The following GULP1 variants were observed in gnomAD, a reference collection of about 807,000 sequenced individuals.
GULP1 encodes the protein PTB domain-containing engulfment adapter protein 1.
Under a neutral mutation model 40.9 loss-of-function variants are expected in GULP1, and 19 were observed. That is an observed-to-expected ratio of 0.46 (90% CI 0.32 to 0.68). The LOEUF (loss-of-function observed/expected upper bound fraction) is 0.68. Among genes scored for constraint, GULP1 ranks in the 30% least tolerant of loss-of-function variants. The probability of loss-of-function intolerance (pLI) is 0.03; values close to 1 mark genes in which losing one functional copy is unlikely to be tolerated. For synonymous variants in GULP1, 119 were observed against 117.6 expected (o/e 1.01, Z -0.08); for missense variants, 312 against 362.2 (o/e 0.86, Z 1.12).
intron 4 of GULP1, among the ~76,000 whole-genome samples, chr2:188,518,321 A>G (rs2065394699): frequency 6.6e-6 from 1 of 152,204 alleles, no homozygotes; most frequent in Admixed American, 6.5e-5. Context: ...CTGGAGCCAC[A>G]GCATTAGCCT....
At chr2:188,313,723 A>G (rs1328968299) in intron 1 of GULP1, among the ~76,000 whole-genome samples, 1 of 152,106 alleles carries the variant, frequency 6.6e-6, no homozygotes, top group Non-Finnish European at 1.5e-5. Context: ...CATTTTCACA[A>G]TATTGATTTT....
intron 4 of GULP1, chr2:188,491,325 G>A (rs545463315): frequency 6.6e-6 from 1 of 152,022 alleles, no homozygotes; most frequent in Non-Finnish European, 1.5e-5. Flanking sequence ...TTCAGTAATG[G>A]TGTTTTGATG....
chr2:188,554,184 A>G (rs1388432050), intron 7 of GULP1, among the ~76,000 whole-genome samples: 1 of 151,544 alleles, frequency 6.6e-6, no homozygotes, highest in Admixed American at 6.6e-5. Flanking sequence ...TATAATGTTA[A>G]TTTTGGGTTG....
chr2:188,458,882 C>G (rs1336437986), intron 2 of GULP1, among the ~76,000 whole-genome samples: 1 of 152,072 alleles, frequency 6.6e-6, no homozygotes, highest in Non-Finnish European at 1.5e-5. Context: ...TGATTCTACT[C>G]TCTACCTCCA....
intron 1 of GULP1, among the ~76,000 whole-genome samples, chr2:188,353,712 G>A (rs1559142162): frequency 1.3e-5 from 2 of 151,794 alleles, no homozygotes; most frequent in Non-Finnish European, 2.9e-5. Flanking sequence ...CCCCATGACA[G>A]GAAATGGTGT....
intron 3 of GULP1, among the ~76,000 whole-genome samples, chr2:188,483,194 A>C (rs189547893): frequency 1.4e-3 from 207 of 152,166 alleles, no homozygotes; most frequent in African/African-American, 4.7e-3. Flanking sequence ...ATTTGGTATC[A>C]TTTTTATTAT....
At chr2:188,553,249 G>T (rs1381045239) in intron 7 of GULP1, among the ~76,000 whole-genome samples, 7 of 151,930 alleles carry the variant, frequency 4.6e-5, no homozygotes, top group African/African-American at 1.7e-4. Flanking sequence ...GGGCATTCTT[G>T]TCTTGTTCCA....
intron 4 of GULP1, among the ~76,000 whole-genome samples, chr2:188,502,103 T>C (rs930149532): frequency 6.6e-6 from 1 of 151,936 alleles, no homozygotes; most frequent in Non-Finnish European, 1.5e-5. Context: ...ATTAGAATTA[T>C]AGTAGATAGG....
At chr2:188,340,369 C>CA (rs1160187182) in intron 1 of GULP1, among the ~76,000 whole-genome samples, 3 of 152,156 alleles carry the variant, frequency 2.0e-5, no homozygotes, top group Admixed American at 6.5e-5. Context: ...ACAGGCCTTG[C>CA]AACAGGGGTG....
chr2:188,373,515 C>T (rs1421209368), intron 1 of GULP1, among the ~76,000 whole-genome samples: 1 of 151,986 alleles, frequency 6.6e-6, no homozygotes, highest in East Asian at 1.9e-4. Flanking sequence ...TTTTCCAGTT[C>T]CATAAACATT....
chr2:188,472,309 C>T (rs2060655736), intron 2 of GULP1, among the ~76,000 whole-genome samples: 1 of 152,010 alleles, frequency 6.6e-6, no homozygotes, highest in Admixed American at 6.6e-5. Flanking sequence ...GGATATTGCT[C>T]TCTTACTCTA....
intron 11 of GULP1, chr2:188,591,045 G>C (rs984699881): frequency 6.6e-6 from 1 of 151,944 alleles, no homozygotes; most frequent in African/African-American, 2.4e-5. Context: ...AAAATTTACT[G>C]TCTAAAAATA....
intron 4 of GULP1, among the ~76,000 whole-genome samples, chr2:188,495,954 C>T (rs2062856071): frequency 6.6e-6 from 1 of 151,932 alleles, no homozygotes; most frequent in East Asian, 1.9e-4. Context: ...ATTTTAATAA[C>T]ATGACCATTT....
chr2:188,329,946 G>A (rs2041330232), intron 1 of GULP1, among the ~76,000 whole-genome samples: 1 of 152,130 alleles, frequency 6.6e-6, no homozygotes, highest in East Asian at 1.9e-4. Flanking sequence ...AGTTTAGGGA[G>A]AAAGATCAGG....
At chr2:188,499,164 T>TATATAC (rs1283639051) in intron 4 of GULP1, among the ~76,000 whole-genome samples, 15 of 141,482 alleles carry the variant, frequency 1.1e-4, no homozygotes, top group African/African-American at 3.9e-4. Flanking sequence ...TATATATATA[T>TATATAC]ATATATGAAC....
At chr2:188,473,094 G>T (rs562111847) in intron 2 of GULP1, among the ~76,000 whole-genome samples, 1 of 152,302 alleles carries the variant, frequency 6.6e-6, no homozygotes, top group South Asian at 2.1e-4. Context: ...AGATCACCAT[G>T]CAGAGAGTTG....
intron 2 of GULP1, among the ~76,000 whole-genome samples, chr2:188,434,406 A>G (rs1483977306): frequency 6.6e-6 from 1 of 151,640 alleles, no homozygotes; most frequent in African/African-American, 2.4e-5. Context: ...GACTTTGCCC[A>G]AGTTTACAAC....
chr2:188,394,568 C>T (rs891002107), intron 2 of GULP1, among the ~76,000 whole-genome samples: 2 of 152,028 alleles, frequency 1.3e-5, no homozygotes, highest in African/African-American at 4.8e-5. Context: ...TGGAGAGCTA[C>T]TGTGATTTTT....
rs1553519298 is a variant in GULP1, at chr2:188,321,667, C to CG, written c.-172+29501_-172+29502insG. 7.4e-4 allele frequency among the ~76,000 whole-genome samples: 110 copies of CG among 149,144 alleles called. 2 individuals are homozygous for CG. Among genetic ancestry groups the CG allele is most frequent in the Non-Finnish European group, 1.6e-4 (11 of 67,144 alleles). On this transcript the variant is annotated intron_variant, in intron 1 of 11. Coordinates refer to ENST00000409830, the MANE Select transcript of GULP1 (RefSeq NM_016315.4). Reference sequence around the variant, plus strand: ...AAAGGGGAAATGTAGTCTTCTATATCTTTTTTTTTTCAGTACACATTAAAT... The same window carrying CG: ...AAAGGGGAAATGTAGTCTTCTATATCGTTTTTTTTTTCAGTACACATTAAAT...
Sources: allele counts gnomAD v4.1 joint callset (sites outside exome capture counted in the v4.1 genomes callset), GRCh38; gene constraint gnomAD v4.1.1; transcripts MANE v1.5; gene names NCBI Gene and HGNC (gene_info 2026-07-23, HGNC 2026-07-21).